Variants in TSNARE1 observed in about 807,000 individuals in gnomAD.
TSNARE1 encodes t-SNARE domain-containing protein 1.
A neutral mutation model predicts 62.0 loss-of-function variants in TSNARE1; 49 were observed. That is an observed-to-expected ratio of 0.79 (90% CI 0.63 to 1.00). The LOEUF (loss-of-function observed/expected upper bound fraction) is 1.00. TSNARE1 is among the 50% of genes least tolerant of loss of function. The pLI is 0.00. For missense variants in TSNARE1, 755 were observed against 700.1 expected (o/e 1.08, Z -0.88); for synonymous variants, 328 against 294.4 (o/e 1.11, Z -1.17).
chr8:142,222,724 TCACTCATCCACTCAC>T (rs1816433807), intron 13 of TSNARE1, among the ~76,000 whole-genome samples: 1 of 106,910 alleles, frequency 9.4e-6, no homozygotes, highest in African/African-American at 3.8e-5. Context: ...ATCCACTCAC[TCACTCATCCACTCAC>T]TCACTCACTC....
At chr8:142,364,697 C>A (rs1835408752) in intron 1 of TSNARE1, among the ~76,000 whole-genome samples, 1 of 152,118 alleles carries the variant, frequency 6.6e-6, no homozygotes, top group African/African-American at 2.4e-5. Flanking sequence ...AAAGGTGGGG[C>A]ATCTAAAAAG....
At chr8:142,300,400 T>G in intron 10 of TSNARE1, 86 bp downstream of exon 10, 1 of 1,471,020 alleles carries the variant, frequency 6.8e-7, no homozygotes. Flanking sequence ...CAAGCAATGG[T>G]GCAGCAGGCT....
intron 1 of TSNARE1, among the ~76,000 whole-genome samples, chr8:142,392,725 G>A (rs1443948107): frequency 2.6e-5 from 4 of 152,076 alleles, no homozygotes; most frequent in South Asian, 2.1e-4. Flanking sequence ...ACCTGAGGTC[G>A]GGAGTTTGAG....
At position 142,283,996 on chromosome 8, in the gene TSNARE1, G is replaced by A. The variant is rs1429694868; in HGVS notation, c.1363+417C>T. Among the ~76,000 whole-genome samples the A allele has an allele frequency of 4.3e-5, 6 of 139,194 alleles. 1 individual carries two copies. The highest frequency in any genetic ancestry group is 9.7e-5 in the Non-Finnish European group (6 of 61,814). The allele number at this position is 139,194 out of a possible 152,430, so 91.3% of individuals were successfully genotyped here. On this transcript the variant is annotated intron_variant, in intron 11 of 13. Coordinates refer to ENST00000524325, the MANE Select transcript of TSNARE1 (RefSeq NM_145003.5). The stretch of plus-strand genomic sequence containing the variant: ...TCAAAGAGCAGAGTATGGAGCCAGT[G>A]TCTGTCGATGAGCAGGGTGAAGGCT...
intron 6 of TSNARE1, among the ~76,000 whole-genome samples, chr8:142,324,231 C>T (rs777035342): frequency 2.6e-5 from 4 of 152,236 alleles, no homozygotes; most frequent in South Asian, 2.1e-4. Flanking sequence ...TGAAGCCCCA[C>T]GACCGCTTTA....
At chr8:142,263,121 A>G (rs980917326) in intron 12 of TSNARE1, among the ~76,000 whole-genome samples, 1 of 152,226 alleles carries the variant, frequency 6.6e-6, no homozygotes, top group African/African-American at 2.4e-5. Flanking sequence ...AGGGCTCCTC[A>G]TATCTCACCG....
chr8:142,300,397 T>C, intron 10 of TSNARE1, 89 bp downstream of exon 10: 1 of 1,441,684 alleles, frequency 6.9e-7, no homozygotes, highest in Non-Finnish European at 9.3e-7. Flanking sequence ...GGGCAAGCAA[T>C]GGTGCAGCAG....
In TSNARE1 at chr8:142,277,177, G is replaced by A. The variant is rs548225090; in HGVS notation, c.1364-2314C>T. 63 of 985,352 alleles carry A rather than the reference G, an allele frequency of 6.4e-5. No homozygotes were observed. In the African/African-American group the frequency reaches 1.1e-3, roughly 17 times the overall value. The allele number at this position is 985,352 out of a possible 1,614,324, so 61.0% of individuals were successfully genotyped here. ...GCAGAGCCACAGGCCCTGGGCACCT[G>A]CTCCTCCCAACACAGGGGGTGCTCC... On this transcript the variant is annotated intron_variant, in intron 11 of 13. Transcript: ENST00000524325.
intron 4 of TSNARE1, among the ~76,000 whole-genome samples, chr8:142,336,795 T>C (rs1418809348): frequency 6.6e-6 from 1 of 152,248 alleles, no homozygotes; most frequent in East Asian, 1.9e-4. Context: ...GACATAGTTA[T>C]AATCGCTGAA....
chr8:142,351,944 T>C (rs1016483478), intron 2 of TSNARE1, among the ~76,000 whole-genome samples: 1 of 152,200 alleles, frequency 6.6e-6, no homozygotes, highest in African/African-American at 2.4e-5. Flanking sequence ...CAGTCTTAAA[T>C]ATGAAAAACA....
chr8:142,250,092 C>A (rs1050120937), intron 12 of TSNARE1, among the ~76,000 whole-genome samples: 1 of 152,116 alleles, frequency 6.6e-6, no homozygotes, highest in Non-Finnish European at 1.5e-5. Flanking sequence ...CCGCATGAGA[C>A]CTGCTGGAGC....
At chr8:142,278,119 G>A in intron 11 of TSNARE1, 1 of 985,268 alleles carries the variant, frequency 1.0e-6, no homozygotes, top group East Asian at 1.1e-4. Context: ...CCACTGACCA[G>A]GCCCATCCCC....
At position 142,235,410 on chromosome 8, in the gene TSNARE1, C is replaced by T. The variant is rs566804997; in HGVS notation, c.1447-5831G>A. Among the ~76,000 whole-genome samples the T allele has an allele frequency of 6.7e-3, 1,012 of 150,382 alleles. 9 individuals are homozygous for T. The highest frequency in any genetic ancestry group is 0.023 in the African/African-American group (957 of 40,826). On this transcript the variant is annotated intron_variant, in intron 12 of 13. Coordinates refer to ENST00000524325, the MANE Select transcript of TSNARE1 (RefSeq NM_145003.5). ...CTGCCCCTCCACCCCCACCCCTACC[C>T]CCGGCCCCTTCCTCCTGACCCCCCT...
At chr8:142,264,130 T>C (rs1354246219) in intron 12 of TSNARE1, among the ~76,000 whole-genome samples, 1 of 152,254 alleles carries the variant, frequency 6.6e-6, no homozygotes, top group Non-Finnish European at 1.5e-5. Flanking sequence ...TATCCAATCA[T>C]GTCTTTGTAC....
At chr8:142,372,690 C>T (rs1835999000) in intron 1 of TSNARE1, among the ~76,000 whole-genome samples, 1 of 152,188 alleles carries the variant, frequency 6.6e-6, no homozygotes, top group African/African-American at 2.4e-5. Flanking sequence ...CTCACATACG[C>T]AGAAGGACCC....
In TSNARE1 at chr8:142,229,597, G is replaced by T. The variant is rs11988486; in HGVS notation, c.1447-18C>A. The T allele has an allele frequency of 5.0e-6, 8 of 1,604,570 alleles. No homozygotes were observed. Among genetic ancestry groups the T allele is most frequent in the Non-Finnish European group, 8.5e-7 (1 of 1,172,842 alleles). On this transcript the variant is annotated intron_variant, in intron 12 of 13. Transcript: ENST00000524325. Reference sequence around the variant, plus strand: ...CTCTGGAGCTGGGAGAGAGAGAGAGGTTGTTTCCATATCCTGGTCCTCCAA... The same window carrying T: ...CTCTGGAGCTGGGAGAGAGAGAGAGTTTGTTTCCATATCCTGGTCCTCCAA...
chr8:142,219,450 G>C (rs1483329916), intron 13 of TSNARE1, among the ~76,000 whole-genome samples: 1 of 152,184 alleles, frequency 6.6e-6, no homozygotes, highest in Non-Finnish European at 1.5e-5. Flanking sequence ...GGGAGAGGCT[G>C]TCGCCCTTTA....
rs573894694 is a variant in TSNARE1, at chr8:142,381,414, C to T, written c.-40+21690G>A. 2.1e-3 allele frequency among the ~76,000 whole-genome samples: 321 copies of T among 152,234 alleles called. 2 individuals carry two copies. The highest frequency in any genetic ancestry group is 3.3e-3 in the Non-Finnish European group (226 of 67,996). On this transcript the variant is annotated intron_variant, in intron 1 of 13. Coordinates refer to ENST00000524325, the MANE Select transcript of TSNARE1 (RefSeq NM_145003.5). ...CTCCTGTCAGTGCTGGGGGAGCCTC[C>T]GGCCTCCCCCTTCCAGCACCCAATG...
chr8:142,274,424 G>C, intron 12 of TSNARE1: 1 of 985,458 alleles, frequency 1.0e-6, no homozygotes, highest in Non-Finnish European at 1.2e-6. Context: ...GCAGTTCCCC[G>C]CCCCAGTATG....
Sources: gnomAD v4.1 joint callset for allele counts (sites outside exome capture counted in the v4.1 genomes callset) on GRCh38, gnomAD v4.1.1 for gene constraint, MANE v1.5 for transcripts, NCBI Gene and HGNC (gene_info 2026-07-23, HGNC 2026-07-21) for gene names.